Variants in CBX5 observed in about 807,000 individuals in gnomAD.
CBX5 encodes chromobox protein homolog 5.
CBX5 carries 7 observed loss-of-function variants against 20.7 expected under a neutral mutation model. The ratio of observed to expected loss-of-function variants is 0.34; its 90% CI spans 0.19 to 0.63. The LOEUF is 0.63. Ranked by LOEUF, CBX5 falls within the 30% of genes least tolerant of loss-of-function variation. The pLI is 0.75. For missense variants in CBX5, 110 were observed against 224.1 expected (o/e 0.49, Z 3.25); for synonymous variants, 78 against 77.0 (o/e 1.01, Z -0.07).
At chr12:54,278,340 C>T (rs531287928) in intron 1 of CBX5, among the ~76,000 whole-genome samples, 2 of 152,308 alleles carry the variant, frequency 1.3e-5, no homozygotes, top group East Asian at 3.9e-4. Flanking sequence ...ACCAGTATCA[C>T]TTTAGTTCTC....
intron 3 of CBX5, among the ~76,000 whole-genome samples, chr12:54,249,505 A>C (rs1943772017): frequency 6.6e-6 from 1 of 151,988 alleles, no homozygotes. Context: ...AGAAAGGTAT[A>C]AATCTAATTA....
intron 1 of CBX5, among the ~76,000 whole-genome samples, chr12:54,269,577 C>T (rs1374405667): frequency 1.3e-5 from 2 of 152,008 alleles, no homozygotes; most frequent in Admixed American, 6.6e-5. Context: ...TTAGTAGAGA[C>T]GGGGCTTCAC....
intron 1 of CBX5, among the ~76,000 whole-genome samples, chr12:54,270,779 C>T (rs1451446388): frequency 4.6e-5 from 7 of 152,134 alleles, no homozygotes; most frequent in African/African-American, 1.4e-4. Context: ...TGGCCAAGCA[C>T]AGTGGCTCAT....
intron 4 of CBX5, among the ~76,000 whole-genome samples, chr12:54,245,271 A>G (rs1943722640): frequency 6.6e-6 from 1 of 151,920 alleles, no homozygotes; most frequent in Admixed American, 6.6e-5. Context: ...TTGGCCACCC[A>G]AAGTGTTGGG....
chr12:54,272,623 G>C (rs1349320148), intron 1 of CBX5: 2 of 152,116 alleles, frequency 1.3e-5, no homozygotes, highest in African/African-American at 2.4e-5. Context: ...AACAAATACA[G>C]GTTAGTTATC....
At chr12:54,257,388 TCTAA>T in intron 2 of CBX5, 122 bp downstream of exon 2, 1 of 893,288 alleles carries the variant, frequency 1.1e-6, no homozygotes. Context: ...TGCTGTGTCT[TCTAA>T]CTCTTAGGAA....
intron 3 of CBX5, among the ~76,000 whole-genome samples, chr12:54,248,712 T>G (rs1160324687): frequency 6.6e-6 from 1 of 152,088 alleles, no homozygotes; most frequent in African/African-American, 2.4e-5. Flanking sequence ...AGGAGGCGAA[T>G]GGAAGAAAAA....
chr12:54,271,728 T>C (rs916526583), intron 1 of CBX5: 2 of 152,256 alleles, frequency 1.3e-5, no homozygotes, highest in East Asian at 1.9e-4. Context: ...TCATTTATTA[T>C]ATAACCTGGT....
intron 4 of CBX5, among the ~76,000 whole-genome samples, chr12:54,244,729 A>C (rs534283323): frequency 6.6e-6 from 1 of 151,394 alleles, no homozygotes; most frequent in South Asian, 2.1e-4. Flanking sequence ...ACTCTGTCTC[A>C]AAAAAAAAGA....
In CBX5 at chr12:54,250,204, C is replaced by A. The variant is rs1943779743; in HGVS notation, c.324+1837G>T. Among the ~76,000 whole-genome samples, 4 of 151,756 alleles carry A rather than the reference C, an allele frequency of 2.6e-5. 1 individual carries two copies. The South Asian group carries it at 8.3e-4, about 31-fold the overall frequency. On this transcript the variant is annotated intron_variant, in intron 3 of 4. Transcript: ENST00000209875. ...TGCCATTGAACTCCAGCCTGGGCAA[C>A]AAGAGTGAAACTCCGTCTCAAAAAA...
rs376152279 is a variant in CBX5 at position 54,269,675 on chromosome 12, T to C, written c.-43+10333A>G. Among the ~76,000 whole-genome samples the C allele has an allele frequency of 8.4e-4, 128 of 152,236 alleles. 1 individual carries two copies. The highest frequency in any genetic ancestry group is 2.9e-3 in the African/African-American group (122 of 41,556). ...GTGCTGGGATTACAGGCATGAGCCA[T>C]CATGCTTGGCCTGGGCCTGGCGTTT... On this transcript the variant is annotated intron_variant, in intron 1 of 4. Coordinates refer to ENST00000209875, the MANE Select transcript of CBX5 (RefSeq NM_012117.3).
chr12:54,274,250 C>G (rs1944038572), intron 1 of CBX5: 1 of 152,210 alleles, frequency 6.6e-6, no homozygotes, highest in East Asian at 1.9e-4. Context: ...AGAAATCCAA[C>G]AAATCTGCAT....
chr12:54,245,969 G>T (rs1592154919), intron 4 of CBX5, 146 bp downstream of exon 4: 4 of 628,610 alleles, frequency 6.4e-6, no homozygotes, highest in Middle Eastern at 2.6e-4. Context: ...GCAACAAAGG[G>T]CGAAACACTG....
At chr12:54,260,283 G>A (rs973273387) in intron 1 of CBX5, among the ~76,000 whole-genome samples, 13 of 151,774 alleles carry the variant, frequency 8.6e-5, no homozygotes, top group Non-Finnish European at 1.3e-4. Flanking sequence ...TTGAGGTCAC[G>A]TGCTCAAGAC....
In CBX5 at chr12:54,237,765, G is replaced by C; in HGVS notation, c.*3990C>G. 6.3e-6 allele frequency: 1 copy of C among 158,748 alleles called. No individual in the cohort carries two copies. The highest frequency in any genetic ancestry group is 1.4e-5 in the Non-Finnish European group (1 of 71,138). The allele number at this position is 158,748 out of a possible 1,614,324, so 9.8% of individuals were successfully genotyped here. On this transcript the variant is annotated 3_prime_UTR_variant, in exon 5 of 5. Transcript: ENST00000209875. ...ACCCTCCTCTGAAACCACCCCTCAA[G>C]TCTTTAGCAAAGTCAGGTATTACAG...
At chr12:54,259,665 A>C (rs929010903) in intron 1 of CBX5, 1 of 152,736 alleles carries the variant, frequency 6.5e-6, no homozygotes, top group East Asian at 1.9e-4. Flanking sequence ...AACTGGCAGC[A>C]GTACTACACT....
At chr12:54,270,880 T>C (rs1225892120) in intron 1 of CBX5, among the ~76,000 whole-genome samples, 1 of 151,950 alleles carries the variant, frequency 6.6e-6, no homozygotes, top group African/African-American at 2.4e-5. Flanking sequence ...AACGAGACCC[T>C]GTCTCTACAA....
At chr12:54,269,688 G>A (rs1379453369) in intron 1 of CBX5, among the ~76,000 whole-genome samples, 1 of 152,114 alleles carries the variant, frequency 6.6e-6, no homozygotes. Flanking sequence ...TGCTTGGCCT[G>A]GGCCTGGCGT....
rs1320770115 is a variant in CBX5, at chr12:54,232,122, G to A, written c.*9633C>T. 1 of 152,186 alleles carries A rather than the reference G, an allele frequency of 6.6e-6. No individual in the cohort carries two copies. The highest frequency in any genetic ancestry group is 1.5e-5 in the Non-Finnish European group (1 of 68,056). 9.4% of individuals were successfully genotyped at this position (152,186 alleles called of 1,614,324 possible). ...CTGCCTCACGATTCCCTAATCCAAT[G>A]CTCTTGAATCTGAAATGGCCTCCCT... On this transcript the variant is annotated 3_prime_UTR_variant, in exon 5 of 5. Transcript: ENST00000209875.
Sources: gnomAD v4.1 joint callset for allele counts (sites outside exome capture counted in the v4.1 genomes callset) on GRCh38, gnomAD v4.1.1 for gene constraint, MANE v1.5 for transcripts, NCBI Gene and HGNC (gene_info 2026-07-23, HGNC 2026-07-21) for gene names.